The following CYP39A1 variants were observed in gnomAD, a reference collection of about 807,000 sequenced individuals.
CYP39A1 encodes 24-hydroxycholesterol 7-alpha-hydroxylase.
CYP39A1 carries 49 observed loss-of-function variants against 58.1 expected under a neutral mutation model. The observed-to-expected ratio is 0.84, with a 90% CI of 0.67 to 1.07. The LOEUF (loss-of-function observed/expected upper bound fraction) is 1.07. Ranked by LOEUF, CYP39A1 falls within the 50% of genes least tolerant of loss-of-function variation. The pLI is 0.00. For missense variants in CYP39A1, 531 were observed against 539.4 expected, an observed-to-expected ratio of 0.98 and a Z score of 0.16; for synonymous variants, 209 against 187.6, an observed-to-expected ratio of 1.11 and a Z score of -0.93.
intron 1 of CYP39A1, among the ~76,000 whole-genome samples, chr6:46,645,899 CTTGAG>C (rs1762293125): frequency 6.6e-6 from 1 of 151,918 alleles, no homozygotes; most frequent in Non-Finnish European, 1.5e-5. Context: ...CTAAATATTT[CTTGAG>C]TTATTTTAAA....
Position 46,550,052 on chromosome 6 carries a change from A to C in CYP39A1, c.*314T>G. 1 of 217,502 alleles carries C rather than the reference A, an allele frequency of 4.6e-6. No homozygotes were observed. The highest frequency in any genetic ancestry group is 9.0e-6 in the Non-Finnish European group (1 of 111,634). 13.5% of individuals were successfully genotyped at this position (217,502 alleles called of 1,614,324 possible). On this transcript the variant is annotated 3_prime_UTR_variant, in exon 12 of 12. Coordinates refer to ENST00000275016, the MANE Select transcript of CYP39A1 (RefSeq NM_016593.5). ...ATAAGATTTTCATTCAAATGACATTATTTCTATTTAATGTTTTAATACAGT... is the reference window on the plus strand; with the variant it reads ...ATAAGATTTTCATTCAAATGACATTCTTTCTATTTAATGTTTTAATACAGT...
At chr6:46,607,858 T>G (rs1773944390) in intron 7 of CYP39A1, among the ~76,000 whole-genome samples, 1 of 152,250 alleles carries the variant, frequency 6.6e-6, no homozygotes, top group Admixed American at 6.5e-5. Flanking sequence ...TTTGAAAGCA[T>G]GAATTCTCAG....
intron 7 of CYP39A1, among the ~76,000 whole-genome samples, chr6:46,612,577 A>C (rs1774278494): frequency 6.6e-6 from 1 of 152,224 alleles, no homozygotes; most frequent in South Asian, 2.1e-4. Context: ...TTGGATTTTA[A>C]AAGCTAGGCT....
chr6:46,582,960 T>C (rs1441042515), intron 10 of CYP39A1: 1 of 553,312 alleles, frequency 1.8e-6, no homozygotes, highest in Non-Finnish European at 2.3e-6. Context: ...TTAAAAACAG[T>C]ACTACTAAAT....
At chr6:46,554,816 T>C (rs888211076) in intron 10 of CYP39A1, among the ~76,000 whole-genome samples, 5 of 152,120 alleles carry the variant, frequency 3.3e-5, no homozygotes, top group African/African-American at 1.2e-4. Flanking sequence ...GTCCTTTTTT[T>C]ATGGTTCTCC....
At chr6:46,602,029 T>C (rs1277315991) in intron 7 of CYP39A1, among the ~76,000 whole-genome samples, 1 of 152,116 alleles carries the variant, frequency 6.6e-6, no homozygotes, top group Non-Finnish European at 1.5e-5. Context: ...ATCCCCCAAA[T>C]AGGATGTGAT....
At chr6:46,636,307 ATG>A (rs1296137545) in intron 5 of CYP39A1, 80 bp downstream of exon 5, 1 of 1,013,320 alleles carries the variant, frequency 9.9e-7, no homozygotes, top group African/African-American at 1.6e-5. Context: ...AATCAATCTC[ATG>A]TGTTTTAGCA....
At chr6:46,639,756 G>A in intron 2 of CYP39A1, 88 bp from the exon 3 acceptor site, 2 of 1,124,528 alleles carry the variant, frequency 1.8e-6, no homozygotes, top group Non-Finnish European at 2.5e-6. Context: ...TGGTCAGCAG[G>A]GACTACAGCC....
At chr6:46,602,689 CAA>C (rs35833432) in intron 7 of CYP39A1, among the ~76,000 whole-genome samples, 509 of 46,858 alleles carry the variant, frequency 0.011, 2 homozygotes, top group African/African-American at 0.035. Context: ...GTGCACGTCT[CAA>C]AAAAAAAAAA....
At chr6:46,625,953 A>G (rs1775285715) in intron 6 of CYP39A1, among the ~76,000 whole-genome samples, 1 of 152,234 alleles carries the variant, frequency 6.6e-6, no homozygotes, top group East Asian at 1.9e-4. Context: ...ATATTCTGCA[A>G]CTGAAACACA....
At chr6:46,558,624 G>A (rs991048861) in intron 10 of CYP39A1, among the ~76,000 whole-genome samples, 12 of 152,132 alleles carry the variant, frequency 7.9e-5, no homozygotes, top group African/African-American at 2.9e-4. Flanking sequence ...TTTACCATGA[G>A]AGAGATCAGC....
At chr6:46,625,180 CA>C (rs1460082264) in intron 7 of CYP39A1, among the ~76,000 whole-genome samples, 4 of 152,104 alleles carry the variant, frequency 2.6e-5, no homozygotes. Context: ...AGGCAAATCA[CA>C]ATCTCTATAG....
chr6:46,587,067 T>C lies in CYP39A1; in HGVS notation c.1250+10A>G. On this transcript the variant is annotated intron_variant, in intron 10 of 11. Coordinates refer to ENST00000275016, the MANE Select transcript of CYP39A1 (RefSeq NM_016593.5). ...TTTCTGGATAAATGTGGCCCAGCTG[T>C]CTCACTGACCTTGCAGGACACTGGA... The C allele has an allele frequency of 6.2e-7, 1 of 1,603,486 alleles. No homozygotes were observed. The highest frequency in any genetic ancestry group is 8.5e-7 in the Non-Finnish European group (1 of 1,172,092).
intron 1 of CYP39A1, among the ~76,000 whole-genome samples, chr6:46,648,186 C>T (rs1464560398): frequency 6.6e-6 from 1 of 152,126 alleles, no homozygotes; most frequent in Non-Finnish European, 1.5e-5. Flanking sequence ...GATTATAAAT[C>T]ATGCTGCTAT....
chr6:46,556,379 A>G (rs915156469), intron 10 of CYP39A1, among the ~76,000 whole-genome samples: 5 of 152,248 alleles, frequency 3.3e-5, no homozygotes, highest in Admixed American at 6.5e-5. Flanking sequence ...GAGTATCAGA[A>G]AAGAAGGAGT....
intron 7 of CYP39A1, among the ~76,000 whole-genome samples, chr6:46,598,831 G>T (rs1361336200): frequency 2.0e-5 from 3 of 152,230 alleles, no homozygotes; most frequent in South Asian, 4.1e-4. Context: ...TCTAATTTTT[G>T]AATTAGTTTA....
intron 10 of CYP39A1, among the ~76,000 whole-genome samples, chr6:46,555,397 C>A (rs544254105): frequency 6.6e-6 from 1 of 152,122 alleles, no homozygotes; most frequent in East Asian, 1.9e-4. Context: ...CAGGGCTCTC[C>A]CAGAGGAGGA....
At chr6:46,609,634 G>T (rs547025495) in intron 7 of CYP39A1, among the ~76,000 whole-genome samples, 1 of 152,126 alleles carries the variant, frequency 6.6e-6, no homozygotes, top group Non-Finnish European at 1.5e-5. Context: ...ACACAGGGAA[G>T]CTCCAGAGCT....
Position 46,625,403 on chromosome 6 carries a change from A to G in CYP39A1, c.931+15T>C. 6.4e-7 allele frequency: 1 copy of G among 1,571,078 alleles called. No homozygotes were observed. The highest frequency in any genetic ancestry group is 1.2e-5 in the South Asian group (1 of 84,642). On this transcript the variant is annotated intron_variant, in intron 7 of 11. Transcript: ENST00000275016. ...CATTATTAGCTGTGTCTTCCTATAT[A>G]ATAAGGTTTAGTACCTGCTTTGCCA... is the stretch of plus-strand genomic sequence containing the variant.
Sources: gnomAD v4.1 joint callset for allele counts (sites outside exome capture counted in the v4.1 genomes callset) on GRCh38, gnomAD v4.1.1 for gene constraint, MANE v1.5 for transcripts, NCBI Gene and HGNC (gene_info 2026-07-23, HGNC 2026-07-21) for gene names.